Variants in TENM3 observed in about 807,000 individuals in gnomAD.
The protein encoded by TENM3 is teneurin-3.
In TENM3, 63 loss-of-function variants were observed where a neutral mutation model predicts 255.1. The ratio of observed to expected loss-of-function variants is 0.25; its 90% CI spans 0.20 to 0.30. The LOEUF is 0.30. Ranked by LOEUF, TENM3 falls within the 10% of genes least tolerant of loss-of-function variation. The probability of loss-of-function intolerance (pLI) is 1.00; values close to 1 mark genes in which losing one functional copy is unlikely to be tolerated. For synonymous variants in TENM3, 1,306 were observed against 1,322.3 expected (o/e 0.99, Z 0.27); for missense variants, 2,929 against 3,461.1 (o/e 0.85, Z 3.86).
At chr4:182,732,153 A>G (rs1320307940) in intron 16 of TENM3, among the ~76,000 whole-genome samples, 3 of 147,396 alleles carry the variant, frequency 2.0e-5, no homozygotes, top group African/African-American at 5.1e-5. Flanking sequence ...ATATTTATTA[A>G]TAATAGTCAA....
intron 13 of TENM3, among the ~76,000 whole-genome samples, chr4:182,719,356 G>A (rs1433354943): frequency 6.8e-6 from 1 of 146,518 alleles, no homozygotes; most frequent in East Asian, 2.0e-4. Flanking sequence ...CCGCCTGCCG[G>A]GTTCAAGGGA....
chr4:181,557,431 C>G, the TENM3 span, among the ~76,000 whole-genome samples: 1 of 152,106 alleles, frequency 6.6e-6, no homozygotes, highest in Non-Finnish European at 1.5e-5. Context: ...GTAAGAGAAA[C>G]CACATGTTGA....
intron 14 of TENM3, among the ~76,000 whole-genome samples, chr4:182,729,792 G>A (rs771464916): frequency 1.2e-4 from 18 of 152,004 alleles, no homozygotes; most frequent in Non-Finnish European, 2.4e-4. Context: ...GTTCCTTATC[G>A]CCCCCTTAAA....
At chr4:182,564,907 T>C (rs1743618583) in intron 3 of TENM3, among the ~76,000 whole-genome samples, 1 of 152,230 alleles carries the variant, frequency 6.6e-6, no homozygotes, top group Non-Finnish European at 1.5e-5. Flanking sequence ...GTCTGTTGTT[T>C]CTGAACAGCT....
At chr4:182,642,945 G>T (rs1013829016) in intron 5 of TENM3, among the ~76,000 whole-genome samples, 5 of 152,132 alleles carry the variant, frequency 3.3e-5, no homozygotes, top group African/African-American at 1.2e-4. Context: ...TAATGAATTA[G>T]AATGCCAAAA....
At chr4:181,733,404 G>T in the TENM3 span, among the ~76,000 whole-genome samples, 5 of 152,188 alleles carry the variant, frequency 3.3e-5, no homozygotes, top group Admixed American at 2.0e-4. Context: ...CTTATTGCTA[G>T]AAACTAATGT....
the TENM3 span, among the ~76,000 whole-genome samples, chr4:181,972,019 T>C: frequency 9.7e-6 from 1 of 103,492 alleles, no homozygotes; most frequent in African/African-American, 4.6e-5. Flanking sequence ...GCAAACTGCA[T>C]CAGTTTTTTT....
At chr4:182,263,275 G>T (rs1308218467) in intron 1 of TENM3, among the ~76,000 whole-genome samples, 1 of 152,068 alleles carries the variant, frequency 6.6e-6, no homozygotes. Flanking sequence ...TAAGTGGTGG[G>T]TTCCTGGGTA....
chr4:182,165,954 CTT>C (rs1561158671), intron 1 of TENM3, among the ~76,000 whole-genome samples: 1 of 151,916 alleles, frequency 6.6e-6, no homozygotes. Flanking sequence ...AATTTTTTGT[CTT>C]TTTAGTAGAG....
At chr4:181,989,622 A>G in the TENM3 span, among the ~76,000 whole-genome samples, 1 of 152,154 alleles carries the variant, frequency 6.6e-6, no homozygotes, top group Non-Finnish European at 1.5e-5. Flanking sequence ...ATGTAAAAAG[A>G]TTAATGTTGA....
At chr4:182,530,378 C>T (rs1351702348) in intron 3 of TENM3, among the ~76,000 whole-genome samples, 1 of 152,174 alleles carries the variant, frequency 6.6e-6, no homozygotes, top group Non-Finnish European at 1.5e-5. Flanking sequence ...TTATATTGCC[C>T]TGTTCCAGAA....
the TENM3 span, among the ~76,000 whole-genome samples, chr4:181,870,085 C>T: frequency 5.2e-3 from 795 of 152,238 alleles, 5 homozygotes; most frequent in African/African-American, 0.018. Context: ...GCAACGTGTG[C>T]ATTTCTGCTT....
chr4:181,738,554 G>A, the TENM3 span, among the ~76,000 whole-genome samples: 4 of 152,048 alleles, frequency 2.6e-5, no homozygotes, highest in Non-Finnish European at 1.5e-5. Context: ...GAATGTTTAG[G>A]TTTGGTAATT....
chr4:182,709,310 C>T (rs1323656701), intron 12 of TENM3, among the ~76,000 whole-genome samples: 1 of 152,084 alleles, frequency 6.6e-6, no homozygotes, highest in Non-Finnish European at 1.5e-5. Context: ...TAATGGTTCC[C>T]ATTTTATATG....
At chr4:182,060,692 TACAC>T in the TENM3 span, among the ~76,000 whole-genome samples, 10 of 151,990 alleles carry the variant, frequency 6.6e-5, no homozygotes, top group Non-Finnish European at 1.0e-4. Flanking sequence ...CAACTTGTAA[TACAC>T]ACACACACAT....
the TENM3 span, among the ~76,000 whole-genome samples, chr4:182,019,512 TC>T: frequency 6.6e-6 from 1 of 152,236 alleles, no homozygotes; most frequent in Non-Finnish European, 1.5e-5. Flanking sequence ...CCCAGTGTTT[TC>T]CACTGCAACA....
chr4:182,295,368 A>G (rs1298584268), intron 1 of TENM3, among the ~76,000 whole-genome samples: 1 of 147,860 alleles, frequency 6.8e-6, no homozygotes, highest in Non-Finnish European at 1.5e-5. Context: ...CCCGAGTTCA[A>G]GTGATTCTCT....
At chr4:181,591,793 C>G in the TENM3 span, among the ~76,000 whole-genome samples, 5 of 152,184 alleles carry the variant, frequency 3.3e-5, no homozygotes, top group Admixed American at 2.0e-4. Context: ...ACCCCCTACT[C>G]CTGTCTGTGG....
chr4:181,958,936 A>G, the TENM3 span, among the ~76,000 whole-genome samples: 4 of 152,188 alleles, frequency 2.6e-5, no homozygotes, highest in East Asian at 7.7e-4. Flanking sequence ...TTCAATAACT[A>G]TATCTAGACA....
Sources: gnomAD v4.1 joint callset for allele counts (sites outside exome capture counted in the v4.1 genomes callset) on GRCh38, gnomAD v4.1.1 for gene constraint, MANE v1.5 for transcripts, NCBI Gene and HGNC (gene_info 2026-07-23, HGNC 2026-07-21) for gene names.